The following NID2 variants were observed in gnomAD, a reference collection of about 807,000 sequenced individuals.
The protein encoded by NID2 is nidogen 2, also known as nidogen-2.
A neutral mutation model predicts 145.4 loss-of-function variants in NID2; 83 were observed. The ratio of observed to expected loss-of-function variants is 0.57; its 90% confidence interval spans 0.48 to 0.69. NID2 has a LOEUF of 0.69. NID2 is among the 30% of genes least tolerant of loss of function. NID2 has a pLI of 0.00. For missense variants in NID2, 1,807 were observed against 1,765.7 expected (o/e 1.02, Z -0.42); for synonymous variants, 739 against 701.3 (o/e 1.05, Z -0.85).
intron 9 of NID2, among the ~76,000 whole-genome samples, chr14:52,033,592 G>A (rs1296063946): frequency 3.2e-5 from 4 of 123,864 alleles, no homozygotes. Flanking sequence ...GTGGACAGCT[G>A]CGCTGTTTCA....
intron 12 of NID2, among the ~76,000 whole-genome samples, chr14:52,024,157 T>C (rs2140367903): frequency 6.6e-6 from 1 of 152,350 alleles, no homozygotes; most frequent in East Asian, 1.9e-4. Context: ...GACAACTACA[T>C]GGTAAGTGGC....
rs879774646 is a variant in NID2 at position 52,005,744 on chromosome 14, G to T, written c.4110C>A (p.Cys1370Ter). The change falls in exon 21 of 22, where the codon TGC (cysteine) becomes TGA (stop). Residue 1370 changes from cysteine (C) to a stop codon, truncating the protein, a stop_gained. Coordinates refer to ENST00000216286, the MANE Select transcript of NID2 (RefSeq NM_007361.4). LOFTEE classifies it high-confidence loss of function. ...LYGITAVYPY[C>*]PTGRK ...CTAAAGCATACTTTTTACCTGTTGG[G>T]CAGTAGGGGTAGACTGCAGTTATCC... The T allele has an allele frequency of 6.2e-6, 10 of 1,611,376 alleles. No individual in the cohort carries two copies. Among genetic ancestry groups the T allele is most frequent in the African/African-American group, 2.7e-5 (2 of 74,862 alleles).
Position 52,027,211 on chromosome 14 carries a change from G to C in NID2, c.2664C>G (p.His888Gln). The change falls in exon 12 of 22, where the codon CAC (histidine) becomes CAG (glutamine). Residue 888 changes from histidine to glutamine, a missense_variant. Physicochemically the swap from His to Gln is conservative, Grantham distance 24. Coordinates refer to ENST00000216286, the MANE Select transcript of NID2 (RefSeq NM_007361.4). Reference sequence around the variant, plus strand: ...CCTGCAGTTACTCACCAGTGCACTGGTGCCCATCGCCGGCATAACCAGGCA... The same window carrying C: ...CCTGCAGTTACTCACCAGTGCACTGCTGCCCATCGCCGGCATAACCAGGCA... ...ACLPGYAGDG[H>Q]QCTDVDECSE... 6.4e-7 allele frequency: 1 copy of C among 1,551,648 alleles called. No individual in the cohort carries two copies. The highest frequency in any genetic ancestry group is 8.7e-7 in the Non-Finnish European group (1 of 1,149,528).
chr14:52,046,727 T>G (rs914384998), intron 5 of NID2, among the ~76,000 whole-genome samples: 80 of 152,348 alleles, frequency 5.3e-4, no homozygotes, highest in African/African-American at 1.9e-3. Context: ...TTATGAGACT[T>G]AAACTGTAAT....
chr14:52,011,763 C>T (rs1220264640), intron 16 of NID2, 80 bp from the exon 17 acceptor site: 23 of 1,531,910 alleles, frequency 1.5e-5, no homozygotes, highest in Non-Finnish European at 1.6e-5. Context: ...TGCTCATGCA[C>T]AGCTGCAGTG....
At position 52,042,140 on chromosome 14, in the gene NID2, TC is replaced by T. The variant is rs1348795703; in HGVS notation, c.1789del (p.Glu597LysfsTer46). 6.2e-7 allele frequency: 1 copy of T among 1,608,726 alleles called. No homozygotes were observed. The highest frequency in any genetic ancestry group is 2.2e-5 in the East Asian group (1 of 44,760). On this transcript the variant is annotated frameshift_variant, in exon 7 of 22. Coordinates refer to ENST00000216286, the MANE Select transcript of NID2 (RefSeq NM_007361.4). LOFTEE classifies it high-confidence loss of function. Reference protein sequence around the residue: ...GGLFGWLFALEKPGSENGFSL... With the variant: ...GGLFGWLFALXKPGSENGFSL... ...GAAGCCGTTCTCAGAGCCAGGTTTT[TC>T]TAAAGCAAAGAGCCAGCCAAACAGG...
chr14:52,045,724 A>C (rs1462595033), intron 5 of NID2, among the ~76,000 whole-genome samples: 1 of 152,190 alleles, frequency 6.6e-6, no homozygotes, highest in African/African-American at 2.4e-5. Context: ...AGAAATTCAC[A>C]ACTAAGTGTA....
At chr14:52,019,396 T>C in intron 13 of NID2, 102 bp from the exon 14 acceptor site, 1 of 857,334 alleles carries the variant, frequency 1.2e-6, no homozygotes, top group Non-Finnish European at 1.7e-6. Context: ...GCGCTGGGAT[T>C]TTGGAGCCCG....
At position 52,028,727 on chromosome 14, in the gene NID2, C is replaced by G. The variant is rs775573306; in HGVS notation, c.2525G>C (p.Cys842Ser). The change falls in exon 11 of 22, where the codon TGC (cysteine) becomes TCC (serine). Residue 842 changes from cysteine to serine, a missense_variant. Coordinates refer to ENST00000216286, the MANE Select transcript of NID2 (RefSeq NM_007361.4). ...GYEFADDRHT[C>S]ILITPPANPC... ...AAAATGATTTTGGAACTCACAGATG[C>G]AAGTATGCCGGTCATCTGCAAACTC... 1 of 1,610,550 alleles carries G rather than the reference C, an allele frequency of 6.2e-7. No homozygotes were observed. The highest frequency in any genetic ancestry group is 1.1e-5 in the South Asian group (1 of 89,938).
At chr14:52,016,029 T>C (rs1386409837) in intron 14 of NID2, among the ~76,000 whole-genome samples, 1 of 152,140 alleles carries the variant, frequency 6.6e-6, no homozygotes, top group Non-Finnish European at 1.5e-5. Context: ...TCTAGCTTCC[T>C]GCCGTGTTGC....
chr14:52,015,057 C>A lies in NID2; in HGVS notation c.3247G>T (p.Ala1083Ser), dbSNP rs1363391774. ...GCGGGGGCGGCCAGGTGCTTACACG[C>A]AGGGGTGGTGCCTGGCTGGGAGCGG... ...GTRSQPGTTP[A>S]CIPTVAPPMV... The change falls in exon 15 of 22, where the codon GCG becomes TCG. Residue 1083 changes from alanine to serine, a missense_variant. Ala to Ser is a moderately conservative substitution (Grantham distance 99). Coordinates refer to ENST00000216286, the MANE Select transcript of NID2 (RefSeq NM_007361.4). 2 of 1,612,832 alleles carry A rather than the reference C, an allele frequency of 1.2e-6. No homozygotes were observed. The highest frequency in any genetic ancestry group is 2.7e-5 in the African/African-American group (2 of 75,072).
intron 18 of NID2, 121 bp from the exon 19 acceptor site, chr14:52,008,088 G>A (rs1890862527): frequency 1.3e-6 from 1 of 750,074 alleles, no homozygotes; most frequent in Admixed American, 3.3e-5. Context: ...ATCCCCTTGA[G>A]TTTGGGCTGC....
At chr14:52,020,286 T>C in intron 12 of NID2, 108 bp from the exon 13 acceptor site, 1 of 1,528,142 alleles carries the variant, frequency 6.5e-7, no homozygotes, top group Non-Finnish European at 8.8e-7. Context: ...CCCAGTGAGG[T>C]GTCAGCTTCA....
rs1240912139 is a variant in NID2, at chr14:52,060,194, C to G, written c.697G>C (p.Asp233His). The G allele has an allele frequency of 1.2e-6, 2 of 1,613,938 alleles. No homozygotes were observed. Among genetic ancestry groups the G allele is most frequent in the African/African-American group, 2.7e-5 (2 of 74,896 alleles). Residue 233 changes from aspartate to histidine, a missense_variant, in exon 3 of 22, where the codon GAT (aspartate) becomes CAT (histidine). Coordinates refer to ENST00000216286, the MANE Select transcript of NID2 (RefSeq NM_007361.4). ...ARVGFCRGEADDLKSEGPYFS... is the reference protein window; with the variant it reads ...ARVGFCRGEAHDLKSEGPYFS... ...TATGGTCCTTCTGACTTCAGATCAT[C>G]AGCCTCCCCTCGGCAGAAGCCCACC...
intron 9 of NID2, among the ~76,000 whole-genome samples, chr14:52,035,191 A>G (rs1020596435): frequency 2.0e-5 from 3 of 152,242 alleles, no homozygotes; most frequent in Admixed American, 6.5e-5. Context: ...TGACAAACGC[A>G]TAATGGCCTA....
Position 52,027,207 on chromosome 14 carries a change from A to C in NID2, c.2668T>G (p.Cys890Gly). 6.5e-7 allele frequency: 1 copy of C among 1,545,770 alleles called. No homozygotes were observed. The highest frequency in any genetic ancestry group is 8.7e-7 in the Non-Finnish European group (1 of 1,146,510). The change falls in exon 12 of 22, where the codon TGC (cysteine) becomes GGC (glycine). Residue 890 changes from cysteine (C) to glycine (G), a missense_variant. Coordinates refer to ENST00000216286, the MANE Select transcript of NID2 (RefSeq NM_007361.4). Reference sequence around the variant, plus strand: ...CTGACCTGCAGTTACTCACCAGTGCACTGGTGCCCATCGCCGGCATAACCA... The same window carrying C: ...CTGACCTGCAGTTACTCACCAGTGCCCTGGTGCCCATCGCCGGCATAACCA... ...LPGYAGDGHQ[C>G]TDVDECSENR...
chr14:52,035,867 T>TATATATATAC (rs1892048137), intron 9 of NID2, among the ~76,000 whole-genome samples: 1 of 132,946 alleles, frequency 7.5e-6, no homozygotes, highest in African/African-American at 2.9e-5. Flanking sequence ...TATATATATA[T>TATATATATAC]ATATATATAT....
In NID2 at chr14:52,042,983, C is replaced by T. The variant is rs1052492257; in HGVS notation, c.1430-52G>A. Reference sequence around the variant, plus strand: ...AAAGGACTAAATGATTCCAATGTCACTGCTGCATCGGGGACACAACATCTG... The same window carrying T: ...AAAGGACTAAATGATTCCAATGTCATTGCTGCATCGGGGACACAACATCTG... On this transcript the variant is annotated intron_variant, in intron 5 of 21. Coordinates refer to ENST00000216286, the MANE Select transcript of NID2 (RefSeq NM_007361.4). The T allele has an allele frequency of 6.3e-6, 10 of 1,579,048 alleles. No homozygotes were observed. In the Middle Eastern group the frequency reaches 6.7e-4, roughly 105 times the overall value.
At chr14:52,031,734 T>G (rs1382202802) in intron 9 of NID2, among the ~76,000 whole-genome samples, 1 of 152,222 alleles carries the variant, frequency 6.6e-6, no homozygotes, top group Admixed American at 6.5e-5. Context: ...CATTTCACTC[T>G]TTCTGACCCG....
Sources: allele counts gnomAD v4.1 joint callset (sites outside exome capture counted in the v4.1 genomes callset), GRCh38; gene constraint gnomAD v4.1.1; transcripts MANE v1.5; gene names NCBI Gene and HGNC (gene_info 2026-07-23, HGNC 2026-07-21).